The following ABI3 variants were observed in gnomAD, a reference collection of about 807,000 sequenced individuals.
The protein encoded by ABI3 is ABI family member 3, also known as ABI gene family member 3.
A neutral mutation model predicts 37.0 loss-of-function variants in ABI3; 24 were observed. That is an observed-to-expected ratio of 0.65 (90% CI 0.47 to 0.91). The LOEUF (loss-of-function observed/expected upper bound fraction) is 0.91, where lower values mean the gene tolerates loss of function less well. Ranked by LOEUF, ABI3 falls within the 40% of genes least tolerant of loss-of-function variation. The pLI is 0.00. For synonymous variants in ABI3, 220 were observed against 211.8 expected (o/e 1.04, Z -0.34); for missense variants, 481 against 485.1 (o/e 0.99, Z 0.08).
chr17:49,213,682 A>G (rs985489434), intron 1 of ABI3, among the ~76,000 whole-genome samples: 6 of 152,252 alleles, frequency 3.9e-5, no homozygotes, highest in Non-Finnish European at 8.8e-5. Flanking sequence ...GAGCAAAGCC[A>G]GGGGTCGGTA....
intron 1 of ABI3, among the ~76,000 whole-genome samples, chr17:49,214,667 G>C (rs1019990906): frequency 1.3e-5 from 2 of 152,200 alleles, no homozygotes; most frequent in Non-Finnish European, 2.9e-5. Flanking sequence ...CTGAGATTGT[G>C]CCATTGCACT....
rs1380947834 is a variant in ABI3, at chr17:49,220,311, T to G, written c.787T>G (p.Ser263Ala). The G allele has an allele frequency of 6.3e-7, 1 of 1,591,610 alleles. No homozygotes were observed. Among genetic ancestry groups the G allele is most frequent in the Non-Finnish European group, 8.6e-7 (1 of 1,169,512 alleles). ...GCGGCCTCCCACGCTGGAGGAGTTG[T>G]CCCCACCCCCACCGGGTAAGGAGGT... ...FQRPPTLEEL[S>A]PPPPDEELPL... The change falls in exon 6 of 8, where the codon TCC (serine) becomes GCC (alanine). Residue 263 changes from serine (S) to alanine (A), a missense_variant. Transcript: ENST00000225941.
chr17:49,210,769 C>T lies in ABI3; in HGVS notation c.45C>T (p.Gly15=). 6.4e-7 allele frequency: 1 copy of T among 1,555,650 alleles called. No individual in the cohort carries two copies. Among genetic ancestry groups the T allele is most frequent in the Non-Finnish European group, 8.7e-7 (1 of 1,149,312 alleles). Residue 15 remains glycine, a synonymous_variant, in exon 1 of 8, where the codon GGC becomes GGT. Transcript: ENST00000225941. This position sits in a 1 kb window ranked among gnomAD's most constrained non-coding sequence, Gnocchi z 4.2. ...QQLQEFEIPT[G]REALRGNHSA... ...TGCAGGAGTTTGAGATCCCCACTGGCCGGGAGGCTCTGAGGGGCAACCACA... is the reference window on the plus strand; with the variant it reads ...TGCAGGAGTTTGAGATCCCCACTGGTCGGGAGGCTCTGAGGGGCAACCACA...
chr17:49,216,890 G>A (rs538618872), intron 2 of ABI3, among the ~76,000 whole-genome samples, 192 bp downstream of exon 2: 2 of 152,244 alleles, frequency 1.3e-5, no homozygotes, highest in African/African-American at 2.4e-5. Flanking sequence ...CAAATTCCCC[G>A]AAGGCAGAGC....
chr17:49,218,064 C>G, intron 3 of ABI3, 149 bp downstream of exon 3: 1 of 784,942 alleles, frequency 1.3e-6, no homozygotes, highest in South Asian at 2.1e-5. Context: ...CTGAGCTCTT[C>G]TCCCTCTCCC....
Position 49,220,288 on chromosome 17 carries a change from G to A in ABI3, c.764G>A (p.Arg255Gln). ...PPPAAVEVFQ[R>Q]PPTLEELSPP... ...CCAGCAGCCGTCGAGGTGTTCCAGC[G>A]GCCTCCCACGCTGGAGGAGTTGTCC... The change falls in exon 6 of 8, where the codon CGG becomes CAG. Residue 255 changes from arginine to glutamine, a missense_variant. By Grantham distance (43) the Arg-to-Gln change is conservative (BLOSUM62 1). Coordinates refer to ENST00000225941, the MANE Select transcript of ABI3 (RefSeq NM_016428.3). 6.2e-7 allele frequency: 1 copy of A among 1,601,050 alleles called. No homozygotes were observed. The highest frequency in any genetic ancestry group is 8.5e-7 in the Non-Finnish European group (1 of 1,174,380).
At chr17:49,214,980 G>A (rs1336075337) in intron 1 of ABI3, among the ~76,000 whole-genome samples, 1 of 152,176 alleles carries the variant, frequency 6.6e-6, no homozygotes, top group African/African-American at 2.4e-5. Flanking sequence ...TCCGTTTAAG[G>A]CAAGGGGGCG....
chr17:49,211,230 G>T (rs1249676203), intron 1 of ABI3, among the ~76,000 whole-genome samples: 2 of 152,184 alleles, frequency 1.3e-5, no homozygotes, highest in African/African-American at 2.4e-5. Flanking sequence ...GGCTTCAGAA[G>T]AACTTCCCAA....
At chr17:49,218,447 C>T (rs557632501) in intron 3 of ABI3, among the ~76,000 whole-genome samples, 8 of 152,244 alleles carry the variant, frequency 5.3e-5, no homozygotes, top group South Asian at 2.1e-4. Flanking sequence ...CACTCACACC[C>T]GTCCCACCTT....
chr17:49,220,162 TG>T lies in ABI3; in HGVS notation c.645-6del. The T allele has an allele frequency of 1.2e-6, 2 of 1,611,708 alleles. No homozygotes were observed. Among genetic ancestry groups the T allele is most frequent in the South Asian group, 2.2e-5 (2 of 90,980 alleles). On this transcript the variant is annotated splice_polypyrimidine_tract_variant and splice_region_variant and intron_variant, in intron 5 of 7. Transcript: ENST00000225941. The stretch of plus-strand genomic sequence containing the variant: ...CGTGTCCGCCAACCGGGCTCTCTGG[TG>T]TTCAGCAGCGCCGAAGGTGTCGGTG...
In ABI3 at chr17:49,222,994, T is replaced by G; in HGVS notation, c.*279T>G. 1 of 504,632 alleles carries G rather than the reference T, an allele frequency of 2.0e-6. No homozygotes were observed. Among genetic ancestry groups the G allele is most frequent in the Non-Finnish European group, 3.5e-6 (1 of 284,402 alleles). The allele number at this position is 504,632 out of a possible 1,614,324, so 31.3% of individuals were successfully genotyped here. On this transcript the variant is annotated 3_prime_UTR_variant, in exon 8 of 8. Coordinates refer to ENST00000225941, the MANE Select transcript of ABI3 (RefSeq NM_016428.3). ...GGTCTCCTGCTGCAAGTCCCAACTT[T>G]GAATAAAACAGATGATGTCCTGTGA...
intron 1 of ABI3, 75 bp from the exon 2 acceptor site, chr17:49,216,456 C>G (rs1598240969): frequency 7.4e-7 from 1 of 1,356,600 alleles, no homozygotes; most frequent in African/African-American, 1.5e-5. Context: ...CCTATATCCT[C>G]TCCCATCCCA....
At chr17:49,215,902 G>C (rs551557753) in intron 1 of ABI3, among the ~76,000 whole-genome samples, 3 of 149,932 alleles carry the variant, frequency 2.0e-5, no homozygotes, top group African/African-American at 4.9e-5. Flanking sequence ...TCGGGAGTTT[G>C]AGACCAGCCT....
intron 1 of ABI3, among the ~76,000 whole-genome samples, chr17:49,215,539 G>A (rs573908274): frequency 2.6e-5 from 4 of 151,272 alleles, no homozygotes; most frequent in East Asian, 2.0e-4. Flanking sequence ...ACTCTGTCAC[G>A]CAGGCTGGAG....
chr17:49,222,533 C>A lies in ABI3; in HGVS notation c.938-19C>A, dbSNP rs1424224856. The stretch of plus-strand genomic sequence containing the variant: ...GCAAGAGGCATTATCTCACGGCACC[C>A]TCTTCTCTTGCCCTGCAGTGGTGAC... On this transcript the variant is annotated intron_variant, in intron 7 of 7. Coordinates refer to ENST00000225941, the MANE Select transcript of ABI3 (RefSeq NM_016428.3). 6.2e-7 allele frequency: 1 copy of A among 1,612,190 alleles called. No homozygotes were observed. The highest frequency in any genetic ancestry group is 2.2e-5 in the East Asian group (1 of 44,816).
At chr17:49,220,414 C>A in intron 6 of ABI3, 88 bp downstream of exon 6, 1 of 1,471,408 alleles carries the variant, frequency 6.8e-7, no homozygotes, top group Non-Finnish European at 9.1e-7. Context: ...GGATCTGCCC[C>A]GGCCAGCCTC....
At chr17:49,214,830 G>C (rs1486377644) in intron 1 of ABI3, among the ~76,000 whole-genome samples, 1 of 152,228 alleles carries the variant, frequency 6.6e-6, no homozygotes, top group Non-Finnish European at 1.5e-5. Flanking sequence ...GTGGGAATGT[G>C]CCCAGAGAAT....
chr17:49,218,912 C>T (rs1028336107), intron 3 of ABI3, among the ~76,000 whole-genome samples: 4 of 152,118 alleles, frequency 2.6e-5, no homozygotes, highest in East Asian at 1.9e-4. Context: ...CCACCACTCG[C>T]GGCCCAACTT....
At position 49,219,091 on chromosome 17, in the gene ABI3, G is replaced by A. The variant is rs1002950456; in HGVS notation, c.463-449G>A. ...ATCCCCTCTAAGTGGCCTGGGTCTT[G>A]CTCCTCTCTGCCCTAACTCCCCAAA... On this transcript the variant is annotated intron_variant, in intron 3 of 7. Coordinates refer to ENST00000225941, the MANE Select transcript of ABI3 (RefSeq NM_016428.3). The surrounding 1 kb of genome is among the most constrained non-coding windows in gnomAD (Gnocchi z 4.3). Among the ~76,000 whole-genome samples, 1 of 152,110 alleles carries A rather than the reference G, an allele frequency of 6.6e-6. No individual in the cohort carries two copies. Among genetic ancestry groups the A allele is most frequent in the African/African-American group, 2.4e-5 (1 of 41,414 alleles).
Sources: gnomAD v4.1 joint callset for allele counts (sites outside exome capture counted in the v4.1 genomes callset) on GRCh38, gnomAD v4.1.1 for gene constraint, Gnocchi (gnomAD v3.1) non-coding constraint, MANE v1.5 for transcripts, NCBI Gene and HGNC (gene_info 2026-07-23, HGNC 2026-07-21) for gene names.